SEPTIN9: variants seen among roughly 807,000 people sequenced by gnomAD.
SEPTIN9 encodes septin 9.
Under a neutral mutation model 56.6 loss-of-function variants are expected in SEPTIN9, and 13 were observed. The observed-to-expected ratio is 0.23, with a 90% CI of 0.15 to 0.37. The LOEUF (loss-of-function observed/expected upper bound fraction) is 0.37. Ranked by LOEUF, SEPTIN9 falls within the 10% of genes least tolerant of loss-of-function variation. SEPTIN9 has a pLI of 1.00. For missense variants in SEPTIN9, 650 were observed against 823.1 expected (o/e 0.79, Z 2.57); for synonymous variants, 332 against 334.1 (o/e 0.99, Z 0.07).
intron 2 of SEPTIN9, among the ~76,000 whole-genome samples, chr17:77,312,243 C>T (rs2032526308): frequency 6.6e-6 from 1 of 152,124 alleles, no homozygotes; most frequent in South Asian, 2.1e-4. Context: ...TGCTGGGGAC[C>T]GGGTGATAGG....
intron 3 of SEPTIN9, chr17:77,454,131 C>T (rs915977261): frequency 2.3e-5 from 23 of 985,760 alleles, no homozygotes; most frequent in African/African-American, 1.2e-4. Context: ...GGCTCCTCCC[C>T]GCCGGCCCCT....
In SEPTIN9 at chr17:77,402,081, C is replaced by G. The variant is rs546188962; in HGVS notation, c.99C>G (p.Val33=). Residue 33 remains valine (V), a synonymous_variant, in exon 3 of 12, where the codon GTC becomes GTG. Coordinates refer to ENST00000427177, the MANE Select transcript of SEPTIN9 (RefSeq NM_001113491.2). This position sits in a 1 kb window ranked among gnomAD's most constrained non-coding sequence, Gnocchi z 6.6. ...CAGCCTTGAAAAGATCTTTTGAGGTCGAGGAGGTCGAGACACCCAACTCCA... is the reference window on the plus strand; with the variant it reads ...CAGCCTTGAAAAGATCTTTTGAGGTGGAGGAGGTCGAGACACCCAACTCCA... ...SGPALKRSFE[V]EEVETPNSTP... The G allele has an allele frequency of 6.2e-7, 1 of 1,613,356 alleles. No homozygotes were observed. Among genetic ancestry groups the G allele is most frequent in the Non-Finnish European group, 8.5e-7 (1 of 1,179,474 alleles).
intron 3 of SEPTIN9, among the ~76,000 whole-genome samples, chr17:77,480,158 C>T (rs1394051106): frequency 1.3e-5 from 2 of 152,056 alleles, no homozygotes; most frequent in African/African-American, 2.4e-5. Flanking sequence ...GATGTGTGGA[C>T]CCCCCCTTGG....
intron 3 of SEPTIN9, chr17:77,466,415 G>C: frequency 1.0e-6 from 1 of 985,538 alleles, no homozygotes; most frequent in Non-Finnish European, 1.2e-6. Context: ...GAAGGGCCTG[G>C]GAGGGGACAG....
intron 2 of SEPTIN9, among the ~76,000 whole-genome samples, chr17:77,350,593 C>T (rs952116199): frequency 2.0e-5 from 3 of 147,288 alleles, no homozygotes; most frequent in Admixed American, 6.8e-5. Flanking sequence ...CTCTGCCTCT[C>T]TTCTCTCCTC....
At chr17:77,416,523 G>A (rs67719929) in intron 3 of SEPTIN9, among the ~76,000 whole-genome samples, 56,949 of 152,064 alleles carry the variant, frequency 0.37, 11,230 homozygotes, top group African/African-American at 0.43. Flanking sequence ...GGAGAGGGAC[G>A]TCTGGTCTGT....
At chr17:77,306,095 T>C (rs1044789869) in intron 1 of SEPTIN9, among the ~76,000 whole-genome samples, 1 of 151,400 alleles carries the variant, frequency 6.6e-6, no homozygotes, top group South Asian at 2.1e-4. Context: ...CATGGGTGAA[T>C]GGATGGATGG....
rs2034592908 is a variant in SEPTIN9, at chr17:77,367,064, T to C, written c.77-34995T>C. On this transcript the variant is annotated intron_variant, in intron 2 of 11. Transcript: ENST00000427177. The surrounding 1 kb of genome is among the most constrained non-coding windows in gnomAD (Gnocchi z 4.5). ...TGCTTCTTTGAGTGAAACCTTATGGTTGCATTGAAGCGGCCAGGCAGAGGG... is the reference window on the plus strand; with the variant it reads ...TGCTTCTTTGAGTGAAACCTTATGGCTGCATTGAAGCGGCCAGGCAGAGGG... 6.6e-6 allele frequency among the ~76,000 whole-genome samples: 1 copy of C among 152,288 alleles called. No homozygotes were observed. The highest frequency in any genetic ancestry group is 2.1e-4 in the South Asian group (1 of 4,824).
Position 77,474,573 on chromosome 17 carries a change from C to T in SEPTIN9, c.722-7571C>T, listed in dbSNP as rs2039133703. 2.0e-5 allele frequency among the ~76,000 whole-genome samples: 3 copies of T among 152,102 alleles called. No individual in the cohort carries two copies. In the South Asian group the frequency reaches 6.2e-4, roughly 32 times the overall value. ...AGGGAGGAGCTGGAGGCCAAGGCCT[C>T]AGTGCTGAGCTGCCTGCACCGCAGC... On this transcript the variant is annotated intron_variant, in intron 3 of 11. Coordinates refer to ENST00000427177, the MANE Select transcript of SEPTIN9 (RefSeq NM_001113491.2).
intron 2 of SEPTIN9, among the ~76,000 whole-genome samples, chr17:77,355,159 T>G (rs2034189207): frequency 6.6e-6 from 1 of 152,220 alleles, no homozygotes; most frequent in Non-Finnish European, 1.5e-5. Context: ...ATTGTGTGAC[T>G]CAGAGCCAAT....
intron 2 of SEPTIN9, among the ~76,000 whole-genome samples, chr17:77,380,867 A>T (rs2035119232): frequency 6.6e-6 from 1 of 152,136 alleles, no homozygotes; most frequent in Admixed American, 6.5e-5. Flanking sequence ...GTCTCGTGCC[A>T]CCTGGGTGTT....
intron 10 of SEPTIN9, 73 bp from the exon 11 acceptor site, chr17:77,497,242 A>AG: frequency 6.9e-7 from 1 of 1,453,958 alleles, no homozygotes; most frequent in Non-Finnish European, 9.5e-7. Context: ...ATTTCTGGGC[A>AG]GGGGGAGAGA....
In SEPTIN9 at chr17:77,482,280, G is replaced by T. The variant is rs373824508; in HGVS notation, c.858G>T (p.Glu286Asp). 6.2e-7 allele frequency: 1 copy of T among 1,613,192 alleles called. No homozygotes were observed. The highest frequency in any genetic ancestry group is 1.3e-5 in the African/African-American group (1 of 74,944). Residue 286 changes from glutamate to aspartate, a missense_variant, in exon 4 of 12, where the codon GAG becomes GAT. Around this residue, in one of 2 missense-constraint regions of SEPTIN9, gnomAD observed 333 missense variants for 494.0 expected, o/e 0.67. Transcript: ENST00000427177. ...ACGTGGGGATTGACTCCATCCTGGA[G>T]CAGATGCGCCGGAAGGCCATGAAGC... is the stretch of plus-strand genomic sequence containing the variant. ...FGYVGIDSIL[E>D]QMRRKAMKQG...
At chr17:77,324,907 CTCCCTGGT>C (rs2033076030) in intron 2 of SEPTIN9, among the ~76,000 whole-genome samples, 2 of 151,542 alleles carry the variant, frequency 1.3e-5, no homozygotes, top group South Asian at 4.2e-4. Flanking sequence ...CAACCTCCGC[CTCCCTGGT>C]TCCAGCGATT....
chr17:77,484,820 ATGG>A (rs1318978588), intron 4 of SEPTIN9, among the ~76,000 whole-genome samples: 2 of 55,508 alleles, frequency 3.6e-5, no homozygotes, highest in African/African-American at 2.2e-4. Context: ...GGTGATTGTG[ATGG>A]TGGTGGCGAT....
intron 2 of SEPTIN9, among the ~76,000 whole-genome samples, chr17:77,364,558 G>A (rs899781895): frequency 6.6e-6 from 1 of 152,212 alleles, no homozygotes; most frequent in Non-Finnish European, 1.5e-5. Context: ...CTGTGGAGGT[G>A]TCAACATGTA....
At chr17:77,393,819 C>T (rs1394979105) in intron 2 of SEPTIN9, among the ~76,000 whole-genome samples, 1 of 152,136 alleles carries the variant, frequency 6.6e-6, no homozygotes, top group African/African-American at 2.4e-5. Flanking sequence ...CTCCTGACCT[C>T]AGGTGATCCA....
rs908025780 is a variant in SEPTIN9, at chr17:77,376,446, G to C, written c.77-25613G>C. 5 of 972,694 alleles carry C rather than the reference G, an allele frequency of 5.1e-6. No homozygotes were observed. In the Admixed American group the frequency reaches 1.8e-4, roughly 36 times the overall value. The allele number at this position is 972,694 out of a possible 1,614,324, so 60.3% of individuals were successfully genotyped here. On this transcript the variant is annotated intron_variant, in intron 2 of 11. Transcript: ENST00000427177. Reference sequence around the variant, plus strand: ...AAACTGCCAGCTCCTTACAGCGCTGGGATGGTGGCCCCAGGGTTCCTGAGG... The same window carrying C: ...AAACTGCCAGCTCCTTACAGCGCTGCGATGGTGGCCCCAGGGTTCCTGAGG...
Position 77,475,803 on chromosome 17 carries a change from GC to G in SEPTIN9, c.722-6340del. The G allele has an allele frequency of 6.2e-7, 1 of 1,613,418 alleles. No individual in the cohort carries two copies. The highest frequency in any genetic ancestry group is 8.5e-7 in the Non-Finnish European group (1 of 1,179,878). ...TGACAGGGTGTGGTGAGTGCCACCG[GC>G]TCCCCTGCCGTGGCCTGGTCAGTGG... On this transcript the variant is annotated intron_variant, in intron 3 of 11. Transcript: ENST00000427177. This position sits in a 1 kb window ranked among gnomAD's most constrained non-coding sequence, Gnocchi z 4.6.
Sources: allele counts gnomAD v4.1 joint callset (sites outside exome capture counted in the v4.1 genomes callset), GRCh38; gene constraint gnomAD v4.1.1; regional missense constraint gnomAD v4.1.1; non-coding constraint Gnocchi (gnomAD v3.1); transcripts MANE v1.5; gene names NCBI Gene and HGNC (gene_info 2026-07-23, HGNC 2026-07-21).